Variants in MAD1L1 observed in about 807,000 individuals in gnomAD.
MAD1L1 encodes the protein mitotic spindle assembly checkpoint protein MAD1.
Under a neutral mutation model 96.9 loss-of-function variants are expected in MAD1L1, and 95 were observed. The observed-to-expected ratio is 0.98, with a 90% CI of 0.83 to 1.16. The LOEUF is 1.16. Ranked by LOEUF, MAD1L1 falls within the 50% of genes most tolerant of loss-of-function variation. The pLI is 0.00. For synonymous variants in MAD1L1, 473 were observed against 396.6 expected, an observed-to-expected ratio of 1.19 and a Z score of -2.29; for missense variants, 1,007 against 954.4, an observed-to-expected ratio of 1.06 and a Z score of -0.73.
intron 10 of MAD1L1, among the ~76,000 whole-genome samples, chr7:2,192,989 T>C (rs1038230204): frequency 6.6e-6 from 1 of 152,200 alleles, no homozygotes; most frequent in African/African-American, 2.4e-5. Context: ...ATAAAATTAA[T>C]TTGGCAAGGG....
chr7:2,156,077 A>G (rs1487321251), intron 10 of MAD1L1, among the ~76,000 whole-genome samples: 1 of 152,252 alleles, frequency 6.6e-6, no homozygotes, highest in African/African-American at 2.4e-5. Flanking sequence ...GCTCGGCTCT[A>G]ACCAGGACAG....
intron 17 of MAD1L1, among the ~76,000 whole-genome samples, chr7:1,908,797 T>C (rs998260912): frequency 4.6e-5 from 7 of 152,230 alleles, no homozygotes; most frequent in African/African-American, 1.7e-4. Flanking sequence ...GCCGTGTCTC[T>C]GTTCTCAACA....
chr7:2,036,599 C>A (rs1243079743), intron 12 of MAD1L1, among the ~76,000 whole-genome samples: 1 of 152,188 alleles, frequency 6.6e-6, no homozygotes, highest in Non-Finnish European at 1.5e-5. Context: ...ATTCCCCAAG[C>A]TCCAGGCAGT....
intron 18 of MAD1L1, among the ~76,000 whole-genome samples, chr7:1,838,063 G>A (rs544402624): frequency 2.0e-4 from 30 of 152,292 alleles, no homozygotes; most frequent in Non-Finnish European, 3.4e-4. Context: ...GCCTGGACTG[G>A]GAAACATATT....
intron 11 of MAD1L1, among the ~76,000 whole-genome samples, chr7:2,071,736 G>A (rs1040201463): frequency 2.6e-5 from 4 of 151,966 alleles, no homozygotes; most frequent in Middle Eastern, 3.2e-3. Flanking sequence ...GTTTCTCACC[G>A]GAGCAGGGAG....
intron 10 of MAD1L1, among the ~76,000 whole-genome samples, chr7:2,179,272 G>A (rs1006081795): frequency 4.6e-5 from 7 of 152,206 alleles, no homozygotes; most frequent in Non-Finnish European, 8.8e-5. Context: ...GCTCATGCCT[G>A]TAATCCCAGC....
intron 14 of MAD1L1, among the ~76,000 whole-genome samples, chr7:1,998,207 C>A (rs1202480395): frequency 6.6e-6 from 1 of 152,208 alleles, no homozygotes; most frequent in Non-Finnish European, 1.5e-5. Flanking sequence ...GCCACACCCA[C>A]CCCACCTGAG....
intron 11 of MAD1L1, among the ~76,000 whole-genome samples, chr7:2,077,127 C>T (rs549951627): frequency 3.9e-5 from 6 of 152,210 alleles, no homozygotes; most frequent in Non-Finnish European, 8.8e-5. Context: ...ATGGTTACGA[C>T]ATGGTGAGCT....
At chr7:2,195,184 G>T (rs1265888241) in intron 10 of MAD1L1, among the ~76,000 whole-genome samples, 1 of 151,916 alleles carries the variant, frequency 6.6e-6, no homozygotes, top group East Asian at 1.9e-4. Flanking sequence ...TGCCACTTCA[G>T]CTAAGCTCTC....
intron 11 of MAD1L1, among the ~76,000 whole-genome samples, chr7:2,135,440 GAATT>G (rs1788704406): frequency 2.0e-5 from 3 of 152,218 alleles, no homozygotes; most frequent in Admixed American, 1.3e-4. Flanking sequence ...AAGTGATAAT[GAATT>G]GTTTTTAATG....
chr7:2,221,591 G>C (rs540403199), intron 5 of MAD1L1, among the ~76,000 whole-genome samples: 500 of 152,014 alleles, frequency 3.3e-3, no homozygotes, highest in African/African-American at 0.012. Context: ...GGACAGGAGA[G>C]GTCAGAAGAT....
chr7:1,926,798 G>A (rs1370668558), intron 17 of MAD1L1, among the ~76,000 whole-genome samples: 6 of 152,240 alleles, frequency 3.9e-5, no homozygotes, highest in Non-Finnish European at 8.8e-5. Context: ...AGGATGGACT[G>A]CTCTCCCTGC....
At position 1,816,013 on chromosome 7, in the gene MAD1L1, G is replaced by A. The variant is rs1781775995; in HGVS notation, c.*57C>T. The A allele has an allele frequency of 6.6e-7, 1 of 1,518,248 alleles. No homozygotes were observed. Among genetic ancestry groups the A allele is most frequent in the African/African-American group, 1.4e-5 (1 of 73,160 alleles). The allele number at this position is 1,518,248 out of a possible 1,614,324, so 94.0% of individuals were successfully genotyped here. On this transcript the variant is annotated 3_prime_UTR_variant, in exon 19 of 19. Coordinates refer to ENST00000265854, the MANE Select transcript of MAD1L1 (RefSeq NM_001013836.2). ...ACCCAGCCTGTGGCTGGCGGGGCAG[G>A]GGACCTGCAGGTCAGGCCAAGCAGA... is the stretch of plus-strand genomic sequence containing the variant.
chr7:1,892,753 C>T (rs569326480), intron 18 of MAD1L1, among the ~76,000 whole-genome samples: 4 of 152,306 alleles, frequency 2.6e-5, no homozygotes, highest in South Asian at 2.1e-4. Flanking sequence ...CTGGCCCTGA[C>T]GCCCACCCTG....
intron 10 of MAD1L1, among the ~76,000 whole-genome samples, chr7:2,151,746 G>T (rs1789581219): frequency 6.6e-6 from 1 of 152,224 alleles, no homozygotes; most frequent in Non-Finnish European, 1.5e-5. Flanking sequence ...TAGCAATGAG[G>T]GGGGAAATGG....
chr7:2,032,717 G>A (rs1365203728), intron 12 of MAD1L1, among the ~76,000 whole-genome samples: 3 of 152,184 alleles, frequency 2.0e-5, no homozygotes, highest in African/African-American at 4.8e-5. Context: ...TTGAATTCGC[G>A]CCCAGGGCTG....
intron 10 of MAD1L1, among the ~76,000 whole-genome samples, chr7:2,191,076 C>T (rs1353513235): frequency 1.3e-5 from 2 of 152,298 alleles, no homozygotes; most frequent in East Asian, 3.9e-4. Context: ...ATGGTATATC[C>T]GTTCGATATA....
chr7:1,870,128 G>A (rs147590265), intron 18 of MAD1L1, among the ~76,000 whole-genome samples: 5 of 152,200 alleles, frequency 3.3e-5, no homozygotes, highest in East Asian at 1.9e-4. Context: ...CAGAACTGTC[G>A]GCAGGAAGGC....
Position 2,102,566 on chromosome 7 carries a change from TCA to T in MAD1L1, c.1074-33230_1074-33229del, listed in dbSNP as rs1786864017. Among the ~76,000 whole-genome samples, 3 of 150,950 alleles carry T rather than the reference TCA, an allele frequency of 2.0e-5. No individual in the cohort carries two copies. The South Asian group carries it at 6.4e-4, about 32-fold the overall frequency. On this transcript the variant is annotated intron_variant, in intron 11 of 18. Coordinates refer to ENST00000265854, the MANE Select transcript of MAD1L1 (RefSeq NM_001013836.2). ...ACCGTCACCATCACAACTGTCACCA[TCA>T]CTCTCACCACATCCCCATCACCACT...
Sources: allele counts gnomAD v4.1 joint callset (sites outside exome capture counted in the v4.1 genomes callset), GRCh38; gene constraint gnomAD v4.1.1; transcripts MANE v1.5; gene names NCBI Gene and HGNC (gene_info 2026-07-23, HGNC 2026-07-21).